PLPP1: variants seen among roughly 807,000 people sequenced by gnomAD.
The protein encoded by PLPP1 is phospholipid phosphatase 1, also known as lipid phosphate phosphohydrolase 1a.
Under a neutral mutation model 31.2 loss-of-function variants are expected in PLPP1, and 24 were observed. The ratio of observed to expected loss-of-function variants is 0.77; its 90% CI spans 0.56 to 1.08. PLPP1 has a LOEUF of 1.08. PLPP1 is among the 50% of genes least tolerant of loss of function. The pLI is 0.00. For synonymous variants in PLPP1, 146 were observed against 126.3 expected (o/e 1.16, Z -1.05); for missense variants, 319 against 342.7 (o/e 0.93, Z 0.55).
intron 1 of PLPP1, among the ~76,000 whole-genome samples, chr5:55,514,292 G>C (rs1753506509): frequency 6.6e-6 from 1 of 151,982 alleles, no homozygotes; most frequent in Non-Finnish European, 1.5e-5. Flanking sequence ...GGCTGAGGTG[G>C]GAGGATCAAA....
In PLPP1 at chr5:55,468,131, G is replaced by A. The variant is rs1049090011; in HGVS notation, c.229C>T (p.Leu77=). Residue 77 remains leucine, a synonymous_variant, in exon 3 of 6, where the codon CTG becomes TTG. Coordinates refer to ENST00000307259, the MANE Select transcript of PLPP1 (RefSeq NM_003711.4). ...TGCAAAAGGTTACAGTAAACAGACA[G>A]GGTTTCTCCAAGAATAATCTGAAAA... ...SIIVIILGET[L]SVYCNLLHSN... 1.9e-6 allele frequency: 3 copies of A among 1,595,088 alleles called. No individual in the cohort carries two copies. The highest frequency in any genetic ancestry group is 2.6e-6 in the Non-Finnish European group (3 of 1,169,632).
intron 3 of PLPP1, among the ~76,000 whole-genome samples, chr5:55,443,190 A>ATATATAT (rs1458750100): frequency 4.2e-3 from 86 of 20,362 alleles, no homozygotes; most frequent in Non-Finnish European, 7.0e-3. Flanking sequence ...AAAAAAAAAA[A>ATATATAT]AAATATATAT....
At chr5:55,441,701 A>T in intron 4 of PLPP1, 150 bp downstream of exon 4, 2 of 848,312 alleles carry the variant, frequency 2.4e-6, no homozygotes, top group Non-Finnish European at 3.8e-6. Flanking sequence ...CACATCAACT[A>T]CTTCTCAGTA....
intron 3 of PLPP1, among the ~76,000 whole-genome samples, chr5:55,464,212 TG>T (rs1408740829): frequency 6.7e-6 from 1 of 149,892 alleles, no homozygotes; most frequent in Non-Finnish European, 1.5e-5. Context: ...ATTACTGTAC[TG>T]GTACACAAAT....
intron 3 of PLPP1, among the ~76,000 whole-genome samples, chr5:55,465,057 T>A (rs955043566): frequency 7.2e-4 from 109 of 151,746 alleles, no homozygotes; most frequent in African/African-American, 2.5e-3. Flanking sequence ...GTTTTTTTTT[T>A]TTTTGAGACA....
At chr5:55,488,810 T>G (rs1028039775) in intron 1 of PLPP1, among the ~76,000 whole-genome samples, 2 of 152,162 alleles carry the variant, frequency 1.3e-5, no homozygotes, top group African/African-American at 4.8e-5. Flanking sequence ...TAATAAAAGA[T>G]CATGGGCCAG....
At chr5:55,525,502 T>C (rs1002338906) in intron 1 of PLPP1, among the ~76,000 whole-genome samples, 1 of 152,206 alleles carries the variant, frequency 6.6e-6, no homozygotes, top group African/African-American at 2.4e-5. Context: ...TTATAATTTT[T>C]GTTTGTTTAA....
chr5:55,489,692 AAAC>A (rs1249708689), intron 1 of PLPP1, among the ~76,000 whole-genome samples: 1 of 152,234 alleles, frequency 6.6e-6, no homozygotes, highest in Admixed American at 6.5e-5. Flanking sequence ...CTGAAAAAAC[AAAC>A]AACTAGGTTA....
intron 3 of PLPP1, among the ~76,000 whole-genome samples, chr5:55,463,323 G>A (rs1237878931): frequency 6.6e-6 from 1 of 152,070 alleles, no homozygotes; most frequent in Non-Finnish European, 1.5e-5. Context: ...TGCATGTTCT[G>A]CACATGTATC....
At position 55,491,290 on chromosome 5, in the gene PLPP1, A is replaced by G. The variant is rs556055570; in HGVS notation, c.59-15840T>C. Among the ~76,000 whole-genome samples, 7 of 152,326 alleles carry G rather than the reference A, an allele frequency of 4.6e-5. No individual in the cohort carries two copies. In the East Asian group the frequency reaches 7.7e-4, roughly 17 times the overall value. On this transcript the variant is annotated intron_variant, in intron 1 of 5. Transcript: ENST00000307259. ...ATCATGCAGCATCATTTGCTTGTCC[A>G]TATCAGCCCCACCTTTTTCCAAGTA...
chr5:55,427,143 A>G (rs984239227), intron 4 of PLPP1, among the ~76,000 whole-genome samples: 5 of 152,192 alleles, frequency 3.3e-5, no homozygotes, highest in Non-Finnish European at 5.9e-5. Context: ...AATATAATTT[A>G]TAACATTCCC....
chr5:55,468,702 C>G (rs1306685190), intron 2 of PLPP1, among the ~76,000 whole-genome samples: 1 of 152,054 alleles, frequency 6.6e-6, no homozygotes, highest in African/African-American at 2.4e-5. Flanking sequence ...ACTTCGGAGG[C>G]TAAGGCAGGA....
chr5:55,502,774 T>C (rs1052780178), intron 1 of PLPP1, among the ~76,000 whole-genome samples: 31 of 152,258 alleles, frequency 2.0e-4, no homozygotes, highest in Middle Eastern at 3.4e-3. Flanking sequence ...TAAGAGGGAA[T>C]AATTATAAAG....
At chr5:55,509,949 C>A (rs942228052) in intron 1 of PLPP1, among the ~76,000 whole-genome samples, 26 of 152,148 alleles carry the variant, frequency 1.7e-4, no homozygotes, top group Non-Finnish European at 3.5e-4. Context: ...CAGTAGTAAA[C>A]CGGCCACGTG....
chr5:55,466,911 A>G (rs1320185105), intron 3 of PLPP1, among the ~76,000 whole-genome samples: 1 of 152,192 alleles, frequency 6.6e-6, no homozygotes, highest in Non-Finnish European at 1.5e-5. Flanking sequence ...AAGGCTGACA[A>G]TTTTGAAACT....
At chr5:55,513,693 A>C (rs1284424040) in intron 1 of PLPP1, among the ~76,000 whole-genome samples, 2 of 152,194 alleles carry the variant, frequency 1.3e-5, no homozygotes, top group Admixed American at 1.3e-4. Context: ...TAATCCTAGC[A>C]CTTTGGGAGG....
At chr5:55,497,878 C>A (rs1753036513) in intron 1 of PLPP1, among the ~76,000 whole-genome samples, 1 of 152,028 alleles carries the variant, frequency 6.6e-6, no homozygotes, top group Non-Finnish European at 1.5e-5. Flanking sequence ...AGGAGGAAAC[C>A]AGGAAAATAA....
At chr5:55,496,300 G>A (rs1413502737) in intron 1 of PLPP1, among the ~76,000 whole-genome samples, 1 of 152,118 alleles carries the variant, frequency 6.6e-6, no homozygotes, top group Non-Finnish European at 1.5e-5. Flanking sequence ...CATAGATACT[G>A]TTTTGACCCT....
At chr5:55,433,667 T>C (rs1011335619) in intron 4 of PLPP1, among the ~76,000 whole-genome samples, 2 of 149,976 alleles carry the variant, frequency 1.3e-5, no homozygotes, top group African/African-American at 4.9e-5. Flanking sequence ...ACCTGGCTAA[T>C]TTTTTCCATT....
Sources: allele counts gnomAD v4.1 joint callset (sites outside exome capture counted in the v4.1 genomes callset), GRCh38; gene constraint gnomAD v4.1.1; transcripts MANE v1.5; gene names NCBI Gene and HGNC (gene_info 2026-07-23, HGNC 2026-07-21).